CWC27: variants seen among roughly 807,000 people sequenced by gnomAD.
The protein encoded by CWC27 is CWC27 spliceosome associated cyclophilin, also known as spliceosome-associated protein CWC27 homolog.
A neutral mutation model predicts 63.6 loss-of-function variants in CWC27; 47 were observed. The ratio of observed to expected loss-of-function variants is 0.74; its 90% confidence interval spans 0.58 to 0.94. The LOEUF is 0.94. CWC27 is among the 40% of genes least tolerant of loss of function. The pLI is 0.00. For missense variants in CWC27, 495 were observed against 554.3 expected, an observed-to-expected ratio of 0.89 and a Z score of 1.07; for synonymous variants, 175 against 179.8, an observed-to-expected ratio of 0.97 and a Z score of 0.22.
At chr5:64,829,542 C>T (rs1017126459) in intron 10 of CWC27, among the ~76,000 whole-genome samples, 6 of 151,744 alleles carry the variant, frequency 4.0e-5, no homozygotes, top group African/African-American at 9.7e-5. Flanking sequence ...TAGAACTACA[C>T]AGAAGGCCTC....
chr5:64,924,380 A>AT (rs1316617608), intron 11 of CWC27, among the ~76,000 whole-genome samples: 1 of 152,212 alleles, frequency 6.6e-6, no homozygotes, highest in African/African-American at 2.4e-5. Context: ...CTAAGCATGC[A>AT]TTGGAATCTC....
chr5:64,871,010 C>T (rs999575533), intron 10 of CWC27, among the ~76,000 whole-genome samples: 1 of 152,070 alleles, frequency 6.6e-6, no homozygotes, highest in East Asian at 1.9e-4. Flanking sequence ...AGGGTACACA[C>T]ATTTAGCAAT....
At chr5:64,784,391 T>C (rs1165684109) in intron 4 of CWC27, among the ~76,000 whole-genome samples, 3 of 152,232 alleles carry the variant, frequency 2.0e-5, no homozygotes, top group Non-Finnish European at 4.4e-5. Flanking sequence ...TGAAACTTCT[T>C]ACTGTAAATA....
chr5:64,930,399 G>T (rs942065411), intron 11 of CWC27, among the ~76,000 whole-genome samples: 2 of 151,724 alleles, frequency 1.3e-5, no homozygotes, highest in East Asian at 3.9e-4. Context: ...ATTTTATCTT[G>T]ATAAAAAGTG....
At chr5:64,889,652 G>A (rs1319191048) in intron 11 of CWC27, among the ~76,000 whole-genome samples, 1 of 152,022 alleles carries the variant, frequency 6.6e-6, no homozygotes, top group Admixed American at 6.5e-5. Context: ...GAGGCCGGGC[G>A]CGGTGGCTCA....
intron 11 of CWC27, among the ~76,000 whole-genome samples, chr5:64,934,785 C>G (rs963820932): frequency 2.0e-5 from 3 of 152,142 alleles, no homozygotes; most frequent in African/African-American, 7.2e-5. Flanking sequence ...ACTTTTTAAT[C>G]ATCACCATTC....
At chr5:64,954,650 C>CTATATATATATATATATAGAAAGCGCTA (rs10645565) in intron 11 of CWC27, among the ~76,000 whole-genome samples, 1 of 146,302 alleles carries the variant, frequency 6.8e-6, no homozygotes, top group Admixed American at 6.8e-5. Context: ...ATAGAAAGCA[C>CTATATATATATATATATAGAAAGCGCTA]TATATATATA....
At chr5:64,809,541 G>A (rs1744804787) in intron 10 of CWC27, among the ~76,000 whole-genome samples, 1 of 151,990 alleles carries the variant, frequency 6.6e-6, no homozygotes, top group African/African-American at 2.4e-5. Context: ...CTAATTTTTT[G>A]TATTTTCAGT....
At chr5:64,856,080 GA>G (rs1396454014) in intron 10 of CWC27, among the ~76,000 whole-genome samples, 1 of 151,976 alleles carries the variant, frequency 6.6e-6, no homozygotes, top group Non-Finnish European at 1.5e-5. Flanking sequence ...AGATTTTGTG[GA>G]GTTTTTAAGA....
intron 10 of CWC27, among the ~76,000 whole-genome samples, chr5:64,876,048 G>GTAA (rs765362575): frequency 2.0e-5 from 3 of 152,090 alleles, no homozygotes; most frequent in Non-Finnish European, 4.4e-5. Context: ...GGTACTGCTA[G>GTAA]TAATAGGTAG....
chr5:64,973,133 A>G (rs1055830217), intron 12 of CWC27, among the ~76,000 whole-genome samples: 4 of 152,236 alleles, frequency 2.6e-5, no homozygotes, highest in South Asian at 2.1e-4. Flanking sequence ...AAGATATTAA[A>G]TATGATTGTA....
Position 64,804,285 on chromosome 5 carries a change from C to G in CWC27, c.837C>G (p.Asn279Lys), listed in dbSNP as rs752999264. The stretch of plus-strand genomic sequence containing the variant: ...AATATATTGATGGTGATGAAAAGAA[C>G]CTGATGAGAGAAAGAATTGCCAAAA... ...HDEYIDGDEKNLMRERIAKKL... is the reference protein window; with the variant it reads ...HDEYIDGDEKKLMRERIAKKL... The change falls in exon 10 of 14, where the codon AAC (asparagine) becomes AAG (lysine). Residue 279 changes from asparagine to lysine, a missense_variant. Asn to Lys is a moderately conservative substitution (Grantham distance 94). Around this residue, in one of 3 missense-constraint regions of CWC27, gnomAD observed 463 missense variants for 498.1 expected, o/e 0.93. Transcript: ENST00000381070. The G allele has an allele frequency of 6.2e-7, 1 of 1,612,674 alleles. No individual in the cohort carries two copies. The highest frequency in any genetic ancestry group is 1.7e-5 in the Admixed American group (1 of 59,896).
chr5:64,808,100 G>C, intron 10 of CWC27: 1 of 1,158,742 alleles, frequency 8.6e-7, no homozygotes, highest in South Asian at 2.4e-5. Flanking sequence ...AGTGTGATCT[G>C]TGAAGCAGTA....
chr5:64,905,200 CAAA>C (rs71608574), intron 11 of CWC27, among the ~76,000 whole-genome samples: 1,250 of 55,478 alleles, frequency 0.023, 14 homozygotes, highest in African/African-American at 0.081. Flanking sequence ...CACTACATCT[CAAA>C]AAAAAAAAAA....
At chr5:64,802,751 A>T (rs1336957662) in intron 9 of CWC27, among the ~76,000 whole-genome samples, 1 of 152,184 alleles carries the variant, frequency 6.6e-6, no homozygotes, top group African/African-American at 2.4e-5. Flanking sequence ...GGAGAAAAGG[A>T]TGAAAAATAA....
chr5:64,783,990 A>G lies in CWC27; in HGVS notation c.396+11A>G, dbSNP rs1580591733. 6.4e-7 allele frequency: 1 copy of G among 1,553,770 alleles called. No homozygotes were observed. Among genetic ancestry groups the G allele is most frequent in the East Asian group, 2.4e-5 (1 of 41,356 alleles). ...ACCATCTTTGGAAAGGTTAGTGTCC[A>G]GTGATTTTAAACCTGTGGTTCAGTT... On this transcript the variant is annotated intron_variant, in intron 4 of 13. Transcript: ENST00000381070.
intron 11 of CWC27, among the ~76,000 whole-genome samples, chr5:64,906,355 T>C (rs1017310269): frequency 9.2e-5 from 14 of 152,336 alleles, no homozygotes; most frequent in East Asian, 7.7e-4. Flanking sequence ...TTTTAACGAT[T>C]GCCATTCTAA....
chr5:64,862,962 T>C (rs1746448056), intron 10 of CWC27, among the ~76,000 whole-genome samples: 1 of 152,096 alleles, frequency 6.6e-6, no homozygotes, highest in South Asian at 2.1e-4. Context: ...TTAAACCCAT[T>C]TGTGAGGGCT....
chr5:64,940,917 G>T (rs1748465674), intron 11 of CWC27, among the ~76,000 whole-genome samples: 1 of 139,938 alleles, frequency 7.1e-6, no homozygotes, highest in Non-Finnish European at 1.5e-5. Flanking sequence ...CACGATCTTG[G>T]CTCACTGCAC....
Sources: gnomAD v4.1 joint callset for allele counts (sites outside exome capture counted in the v4.1 genomes callset) on GRCh38, gnomAD v4.1.1 for gene constraint, gnomAD v4.1.1 regional missense constraint, MANE v1.5 for transcripts, NCBI Gene and HGNC (gene_info 2026-07-23, HGNC 2026-07-21) for gene names.